The following CSMD1 variants were observed in gnomAD, a reference collection of about 807,000 sequenced individuals.
The protein encoded by CSMD1 is CUB and sushi domain-containing protein 1.
A neutral mutation model predicts 417.5 loss-of-function variants in CSMD1; 213 were observed. The observed-to-expected ratio is 0.51, with a 90% CI of 0.46 to 0.57. The LOEUF is 0.57. Among genes scored for constraint, CSMD1 ranks in the 20% least tolerant of loss-of-function variants. The pLI, the probability that CSMD1 is intolerant of heterozygous loss-of-function variation, is 0.00. For synonymous variants in CSMD1, 2,862 were observed against 1,736.8 expected, an observed-to-expected ratio of 1.65 and a Z score of -16.11; for missense variants, 6,923 against 4,529.7, an observed-to-expected ratio of 1.53 and a Z score of -15.17.
intron 47 of CSMD1, among the ~76,000 whole-genome samples, chr8:3,093,190 G>A (rs775084134): frequency 5.3e-5 from 8 of 152,130 alleles, no homozygotes; most frequent in East Asian, 1.9e-4. Context: ...AAGGTTAAAC[G>A]AGGTAGTATG....
chr8:4,912,530 C>T (rs1487536848), intron 1 of CSMD1, among the ~76,000 whole-genome samples: 2 of 152,104 alleles, frequency 1.3e-5, no homozygotes, highest in East Asian at 1.9e-4. Flanking sequence ...CCCATAAGCT[C>T]GTCTCAATCC....
intron 1 of CSMD1, among the ~76,000 whole-genome samples, chr8:4,768,887 C>G (rs562716238): frequency 3.3e-5 from 5 of 152,148 alleles, no homozygotes; most frequent in African/African-American, 1.2e-4. Context: ...CCCCTTTTTC[C>G]TAGCCGAGTC....
intron 1 of CSMD1, among the ~76,000 whole-genome samples, chr8:4,868,799 G>C (rs906002364): frequency 6.6e-6 from 1 of 150,866 alleles, no homozygotes; most frequent in Admixed American, 6.6e-5. Context: ...AAAAAAGCTT[G>C]TAAAAATATC....
intron 4 of CSMD1, among the ~76,000 whole-genome samples, chr8:4,014,873 C>A (rs570545302): frequency 3.9e-5 from 6 of 152,076 alleles, no homozygotes; most frequent in Non-Finnish European, 8.8e-5. Flanking sequence ...ACAAAGTAAC[C>A]CACAAAGCTG....
At chr8:3,440,797 G>A (rs1418102722) in intron 12 of CSMD1, among the ~76,000 whole-genome samples, 1 of 152,068 alleles carries the variant, frequency 6.6e-6, no homozygotes, top group African/African-American at 2.4e-5. Context: ...TTGTTGTTTT[G>A]TAAGTGCTCT....
intron 40 of CSMD1, among the ~76,000 whole-genome samples, chr8:3,149,076 A>AT (rs1819030735): frequency 1.3e-5 from 2 of 152,244 alleles, no homozygotes; most frequent in South Asian, 2.1e-4. Flanking sequence ...TTCATAAGTT[A>AT]TTTTTCATTT....
chr8:3,515,537 A>G (rs1172894308), intron 10 of CSMD1, among the ~76,000 whole-genome samples: 3 of 152,216 alleles, frequency 2.0e-5, no homozygotes, highest in African/African-American at 7.2e-5. Context: ...GTTCAGGAGA[A>G]TGAGAAAGCA....
chr8:4,937,303 T>C (rs576485716), intron 1 of CSMD1, among the ~76,000 whole-genome samples: 3 of 152,220 alleles, frequency 2.0e-5, no homozygotes, highest in Admixed American at 6.5e-5. Context: ...ACCATATTCA[T>C]GGACTCTACA....
intron 2 of CSMD1, among the ~76,000 whole-genome samples, chr8:4,495,802 G>C (rs1006115565): frequency 1.4e-4 from 21 of 152,108 alleles, no homozygotes; most frequent in Non-Finnish European, 2.6e-4. Flanking sequence ...GCCCATTCTA[G>C]CTAACATTTG....
At chr8:4,345,415 G>A (rs757031132) in intron 3 of CSMD1, among the ~76,000 whole-genome samples, 1 of 151,994 alleles carries the variant, frequency 6.6e-6, no homozygotes, top group Non-Finnish European at 1.5e-5. Flanking sequence ...TGGATACAAT[G>A]TATAGTGATC....
At chr8:3,640,292 T>G (rs2117309933) in intron 7 of CSMD1, among the ~76,000 whole-genome samples, 1 of 152,342 alleles carries the variant, frequency 6.6e-6, no homozygotes, top group East Asian at 1.9e-4. Context: ...TTGGAACATT[T>G]AGTCTCCAGG....
intron 26 of CSMD1, among the ~76,000 whole-genome samples, chr8:3,256,721 C>T (rs569280686): frequency 2.6e-5 from 4 of 152,288 alleles, no homozygotes; most frequent in African/African-American, 9.6e-5. Context: ...GAAAGTCCAC[C>T]TTTGATGTCT....
At chr8:3,240,773 G>A (rs983406499) in intron 26 of CSMD1, among the ~76,000 whole-genome samples, 6 of 152,130 alleles carry the variant, frequency 3.9e-5, no homozygotes, top group African/African-American at 1.4e-4. Context: ...GGCACCACTG[G>A]GTGGATAGGC....
intron 15 of CSMD1, among the ~76,000 whole-genome samples, chr8:3,402,862 ATTTC>A (rs774603371): frequency 1.3e-4 from 20 of 152,122 alleles, no homozygotes; most frequent in Non-Finnish European, 2.6e-4. Flanking sequence ...TTATTATTAA[ATTTC>A]TTTATTTTTT....
intron 25 of CSMD1, among the ~76,000 whole-genome samples, chr8:3,304,668 T>G (rs1339674134): frequency 6.6e-6 from 1 of 152,148 alleles, no homozygotes; most frequent in Non-Finnish European, 1.5e-5. Context: ...AAGAAAATTT[T>G]TCAAGGTCAG....
intron 3 of CSMD1, among the ~76,000 whole-genome samples, chr8:4,329,414 G>A (rs911165693): frequency 6.6e-5 from 10 of 151,790 alleles, no homozygotes; most frequent in Non-Finnish European, 8.8e-5. Context: ...GCAGCCTCCC[G>A]GGTAGCTGGG....
At chr8:4,923,670 C>G (rs1289341159) in intron 1 of CSMD1, among the ~76,000 whole-genome samples, 1 of 152,104 alleles carries the variant, frequency 6.6e-6, no homozygotes, top group Admixed American at 6.5e-5. Flanking sequence ...TCCTGGTATA[C>G]CTATCCACGG....
chr8:4,034,750 A>C (rs959629141), intron 3 of CSMD1, among the ~76,000 whole-genome samples: 3 of 152,216 alleles, frequency 2.0e-5, no homozygotes, highest in South Asian at 4.1e-4. Flanking sequence ...ATTTAAAATA[A>C]ATCAACATGT....
intron 1 of CSMD1, among the ~76,000 whole-genome samples, chr8:4,770,446 C>G (rs1796542007): frequency 6.7e-6 from 1 of 150,300 alleles, no homozygotes; most frequent in South Asian, 2.1e-4. Flanking sequence ...GCATTCTTCA[C>G]AGAATTTTTT....
Sources: allele counts gnomAD v4.1 joint callset (sites outside exome capture counted in the v4.1 genomes callset), GRCh38; gene constraint gnomAD v4.1.1; transcripts MANE v1.5; gene names NCBI Gene and HGNC (gene_info 2026-07-23, HGNC 2026-07-21).